Variants in GAS7 observed in about 807,000 individuals in gnomAD.
The protein encoded by GAS7 is growth arrest specific 7, also known as growth arrest-specific protein 7.
In GAS7, 28 loss-of-function variants were observed where a neutral mutation model predicts 71.1. That is an observed-to-expected ratio of 0.39 (90% CI 0.29 to 0.54). The LOEUF (loss-of-function observed/expected upper bound fraction) is 0.54. GAS7 is among the 20% of genes least tolerant of loss of function. GAS7 has a pLI of 0.62. For missense variants in GAS7, 436 were observed against 627.8 expected (o/e 0.69, Z 3.27); for synonymous variants, 258 against 245.8 (o/e 1.05, Z -0.46).
intron 10 of GAS7, 98 bp from the exon 11 acceptor site, chr17:9,925,697 C>T: frequency 1.5e-6 from 2 of 1,370,160 alleles, no homozygotes; most frequent in Non-Finnish European, 2.0e-6. Context: ...CCTTTCGCCC[C>T]TTGTTTGTGT....
chr17:9,931,324 C>T (rs2068201013), intron 9 of GAS7, among the ~76,000 whole-genome samples: 1 of 152,230 alleles, frequency 6.6e-6, no homozygotes, highest in Non-Finnish European at 1.5e-5. Flanking sequence ...GTCACCACTA[C>T]CACGTCGGAG....
chr17:10,082,446 A>G (rs565683336), intron 1 of GAS7, among the ~76,000 whole-genome samples: 1 of 152,244 alleles, frequency 6.6e-6, no homozygotes, highest in Non-Finnish European at 1.5e-5. Context: ...ACAAGATAAA[A>G]GCACCATGGG....
rs114340079 is a variant in GAS7, at chr17:9,955,351, C to G, written c.525+3851G>C. On this transcript the variant is annotated intron_variant, in intron 5 of 13. Transcript: ENST00000432992. ...ACCTCATCCTCCTCCCAAGGCCTCCCAGGCATAGCAGGAGCTTCACTGCCA... is the reference window on the plus strand; with the variant it reads ...ACCTCATCCTCCTCCCAAGGCCTCCGAGGCATAGCAGGAGCTTCACTGCCA... Among the ~76,000 whole-genome samples, 476 of 152,364 alleles carry G rather than the reference C, an allele frequency of 3.1e-3. 2 individuals carry two copies. The highest frequency in any genetic ancestry group is 0.011 in the African/African-American group (455 of 41,598).
At chr17:10,162,785 T>C (rs1480505754) in intron 1 of GAS7, among the ~76,000 whole-genome samples, 3 of 152,206 alleles carry the variant, frequency 2.0e-5, no homozygotes, top group African/African-American at 7.2e-5. Flanking sequence ...ATGAGGTCCC[T>C]AGTATAGTCA....
At chr17:10,117,167 G>A (rs186321051) in intron 1 of GAS7, among the ~76,000 whole-genome samples, 8 of 152,132 alleles carry the variant, frequency 5.3e-5, no homozygotes, top group African/African-American at 1.9e-4. Context: ...TCAGCTTCTG[G>A]AGCCCACCCA....
rs1289300437 is a variant in GAS7 at position 9,915,732 on chromosome 17, A to G, written c.*1496T>C. 4.3e-5 allele frequency: 10 copies of G among 230,636 alleles called. No individual in the cohort carries two copies. Among genetic ancestry groups the G allele is most frequent in the African/African-American group, 1.3e-4 (6 of 45,194 alleles). 14.3% of individuals were successfully genotyped at this position (230,636 alleles called of 1,614,324 possible). A position where few individuals can be genotyped will look rare whatever the true frequency, so the allele number is the denominator to read the frequency against. ...CACTGCAGATGTGCAGGTCAAACCC[A>G]AAGTGGTCAATGGGAAAGATGAAGA... On this transcript the variant is annotated 3_prime_UTR_variant, in exon 14 of 14. Coordinates refer to ENST00000432992, the MANE Select transcript of GAS7 (RefSeq NM_201433.2).
intron 2 of GAS7, among the ~76,000 whole-genome samples, chr17:10,003,959 A>G (rs2071370727): frequency 6.6e-6 from 1 of 152,198 alleles, no homozygotes; most frequent in South Asian, 2.1e-4. Flanking sequence ...TCCTCCAACA[A>G]TAACAATCTC....
chr17:9,952,272 G>A (rs2069050530), intron 5 of GAS7, among the ~76,000 whole-genome samples: 3 of 152,224 alleles, frequency 2.0e-5, no homozygotes, highest in Admixed American at 2.0e-4. Context: ...AGCAGGGACA[G>A]GGACAGCCCC....
chr17:9,952,164 C>A (rs1046515533), intron 5 of GAS7, among the ~76,000 whole-genome samples: 1 of 152,174 alleles, frequency 6.6e-6, no homozygotes, highest in African/African-American at 2.4e-5. Flanking sequence ...TCCCACCCCC[C>A]ACTGTCTGAT....
At chr17:10,173,497 G>A (rs895468452) in intron 1 of GAS7, among the ~76,000 whole-genome samples, 3 of 152,126 alleles carry the variant, frequency 2.0e-5, no homozygotes, top group East Asian at 3.9e-4. Flanking sequence ...GGCCAGGCGC[G>A]GTGGCTCACG....
intron 1 of GAS7, among the ~76,000 whole-genome samples, chr17:10,087,164 T>G (rs1374893817): frequency 6.6e-6 from 1 of 152,134 alleles, no homozygotes; most frequent in Non-Finnish European, 1.5e-5. Flanking sequence ...GAGACTGAGA[T>G]CTCAGGGTGA....
chr17:9,973,513 C>T (rs1404450738), intron 3 of GAS7, among the ~76,000 whole-genome samples: 1 of 152,184 alleles, frequency 6.6e-6, no homozygotes, highest in Admixed American at 6.5e-5. Flanking sequence ...CTCAGCCTCC[C>T]AAAGTGCTGG....
intron 1 of GAS7, among the ~76,000 whole-genome samples, chr17:10,031,731 ACT>A (rs1349162568): frequency 6.6e-6 from 1 of 151,906 alleles, no homozygotes; most frequent in African/African-American, 2.4e-5. Context: ...AATGAGGAAA[ACT>A]CTGAATGTGA....
chr17:9,959,463 AAGGAAGCCTCCTGC>A lies in GAS7; in HGVS notation c.472-222_472-209del. 7.0e-7 allele frequency: 1 copy of A among 1,429,264 alleles called. No homozygotes were observed. The highest frequency in any genetic ancestry group is 1.4e-5 in the African/African-American group (1 of 69,642). 88.5% of individuals were successfully genotyped at this position (1,429,264 alleles called of 1,614,324 possible). A position where few individuals can be genotyped will look rare whatever the true frequency, so the allele number is the denominator to read the frequency against. On this transcript the variant is annotated intron_variant, in intron 4 of 13. Transcript: ENST00000432992. This position sits in a 1 kb window ranked among gnomAD's most constrained non-coding sequence, Gnocchi z 5.0. ...CCAGCTCTCGGGCTGAAGGCGAATT[AAGGAAGCCTCCTGC>A]ACAGGCTCTGAGAGAACTGCTCCAA...
chr17:9,919,204 C>T lies in GAS7; in HGVS notation c.1218+422G>A, dbSNP rs537552249. The stretch of plus-strand genomic sequence containing the variant: ...GCCTCCCCCACCCCACTGCCTAGCT[C>T]CATCCTCACCCATCCATCCACTTTG... On this transcript the variant is annotated intron_variant, in intron 12 of 13. Coordinates refer to ENST00000432992, the MANE Select transcript of GAS7 (RefSeq NM_201433.2). The surrounding 1 kb of genome is among the most constrained non-coding windows in gnomAD (Gnocchi z 5.0). Among the ~76,000 whole-genome samples, 23 of 152,170 alleles carry T rather than the reference C, an allele frequency of 1.5e-4. No homozygotes were observed. The highest frequency in any genetic ancestry group is 1.3e-4 in the Admixed American group (2 of 15,292).
chr17:10,056,954 T>C (rs1433242095), intron 1 of GAS7, among the ~76,000 whole-genome samples: 1 of 151,862 alleles, frequency 6.6e-6, no homozygotes, highest in African/African-American at 2.4e-5. Context: ...CACGCCTGAC[T>C]GGTTTTCATA....
At chr17:10,035,731 G>T (rs1432779929) in intron 1 of GAS7, among the ~76,000 whole-genome samples, 1 of 152,128 alleles carries the variant, frequency 6.6e-6, no homozygotes, top group Non-Finnish European at 1.5e-5. Context: ...GTAACTTCTG[G>T]GGGTGGAAAG....
At chr17:10,186,033 G>A (rs1252125800) in intron 1 of GAS7, among the ~76,000 whole-genome samples, 2 of 141,952 alleles carry the variant, frequency 1.4e-5, no homozygotes, top group Non-Finnish European at 3.0e-5. Flanking sequence ...TCGGCTCACT[G>A]CAAGCTCCGC....
chr17:10,034,192 G>A lies in GAS7; in HGVS notation c.184-14295C>T. 1 of 985,114 alleles carries A rather than the reference G, an allele frequency of 1.0e-6. No homozygotes were observed. The highest frequency in any genetic ancestry group is 1.2e-6 in the Non-Finnish European group (1 of 829,632). 61.0% of individuals were successfully genotyped at this position (985,114 alleles called of 1,614,324 possible). On this transcript the variant is annotated intron_variant, in intron 1 of 13. Coordinates refer to ENST00000432992, the MANE Select transcript of GAS7 (RefSeq NM_201433.2). This position sits in a 1 kb window ranked among gnomAD's most constrained non-coding sequence, Gnocchi z 4.4. The stretch of plus-strand genomic sequence containing the variant: ...TGCAGCAGTCTCGCTGGCAGATCTT[G>A]AGCAACCTCTTCCATCTCTGCTGGG...
Sources: gnomAD v4.1 joint callset for allele counts (sites outside exome capture counted in the v4.1 genomes callset) on GRCh38, gnomAD v4.1.1 for gene constraint, Gnocchi (gnomAD v3.1) non-coding constraint, MANE v1.5 for transcripts, NCBI Gene and HGNC (gene_info 2026-07-23, HGNC 2026-07-21) for gene names.